ZIM2: variants seen among roughly 807,000 people sequenced by gnomAD.
ZIM2 encodes the protein zinc finger imprinted 2, also known as zinc finger protein 656.
Under a neutral mutation model 38.6 loss-of-function variants are expected in ZIM2, and 14 were observed. The observed-to-expected ratio is 0.36, with a 90% CI of 0.24 to 0.57. The LOEUF (loss-of-function observed/expected upper bound fraction) is 0.57, where lower values mean the gene tolerates loss of function less well. Among genes scored for constraint, ZIM2 ranks in the 20% least tolerant of loss-of-function variants. ZIM2 has a pLI of 0.81. For synonymous variants in ZIM2, 247 were observed against 245.8 expected, an observed-to-expected ratio of 1.00 and a Z score of -0.04; for missense variants, 680 against 695.1, an observed-to-expected ratio of 0.98 and a Z score of 0.24.
intron 9 of ZIM2, chr19:56,812,057 C>T (rs1350230521): frequency 1.0e-6 from 1 of 983,600 alleles, no homozygotes; most frequent in Non-Finnish European, 1.2e-6. Context: ...CACATTTCCC[C>T]CAGTGGGTAC....
At chr19:56,812,959 TC>T (rs1340050404) in intron 9 of ZIM2, 2 of 985,690 alleles carry the variant, frequency 2.0e-6, no homozygotes, top group African/African-American at 3.5e-5. Flanking sequence ...AGTATTAGGT[TC>T]CAAAGTGTTG....
chr19:56,796,672 G>C (rs2047246563), intron 9 of ZIM2, among the ~76,000 whole-genome samples: 1 of 152,180 alleles, frequency 6.6e-6, no homozygotes, highest in African/African-American at 2.4e-5. Context: ...CCAGGCAGTG[G>C]GGGGTGGGGA....
intron 1 of ZIM2, among the ~76,000 whole-genome samples, chr19:56,838,342 G>A (rs1053801884): frequency 6.6e-5 from 10 of 152,182 alleles, no homozygotes; most frequent in African/African-American, 1.9e-4. Context: ...TGGCGCCTGC[G>A]CAATCAACCT....
intron 9 of ZIM2, chr19:56,793,127 C>T (rs2047027054): frequency 6.5e-6 from 1 of 152,676 alleles, no homozygotes; most frequent in African/African-American, 2.4e-5. Flanking sequence ...TGTGTCAGCA[C>T]TAGTTGCTCT....
At chr19:56,785,382 CCCCCCA>C (rs2046543855) in intron 10 of ZIM2, among the ~76,000 whole-genome samples, 1 of 151,988 alleles carries the variant, frequency 6.6e-6, no homozygotes, top group Non-Finnish European at 1.5e-5. Flanking sequence ...TTACCTCGCT[CCCCCCA>C]CCCCAGTAAT....
intron 2 of ZIM2, among the ~76,000 whole-genome samples, chr19:56,829,579 G>A (rs1303860448): frequency 1.3e-5 from 2 of 152,182 alleles, no homozygotes; most frequent in Non-Finnish European, 2.9e-5. Context: ...AGAGCCAAAG[G>A]CAGGAAGAGG....
chr19:56,828,400 T>TC (rs1293590490), intron 2 of ZIM2, among the ~76,000 whole-genome samples: 1 of 152,200 alleles, frequency 6.6e-6, no homozygotes, highest in Non-Finnish European at 1.5e-5. Context: ...ATCTTGGCAA[T>TC]TCCACTTCTG....
chr19:56,835,189 C>T (rs1021638926), intron 2 of ZIM2, among the ~76,000 whole-genome samples: 19 of 152,306 alleles, frequency 1.2e-4, no homozygotes, highest in African/African-American at 4.6e-4. Flanking sequence ...TCCCCTTCTG[C>T]ACCCTGAAAC....
intron 9 of ZIM2, chr19:56,792,980 C>T (rs1029801921): frequency 6.6e-6 from 1 of 152,648 alleles, no homozygotes; most frequent in African/African-American, 2.4e-5. Flanking sequence ...CAGAAGCAGC[C>T]AGTTGCTTCC....
At chr19:56,812,988 G>A in intron 9 of ZIM2, 2 of 985,822 alleles carry the variant, frequency 2.0e-6, no homozygotes, top group South Asian at 4.7e-5. Flanking sequence ...TGAAATGGCT[G>A]CAGAAAGAAG....
At chr19:56,794,872 A>G (rs1182013358) in intron 9 of ZIM2, among the ~76,000 whole-genome samples, 2 of 152,232 alleles carry the variant, frequency 1.3e-5, no homozygotes, top group Non-Finnish European at 2.9e-5. Flanking sequence ...AATCAAGAGC[A>G]TTATCATCCC....
intron 2 of ZIM2, chr19:56,833,150 C>T (rs1281742442): frequency 3.9e-6 from 2 of 517,272 alleles, no homozygotes; most frequent in Non-Finnish European, 7.7e-6. Flanking sequence ...TCCTGTGACT[C>T]CGGTTTGGCC....
chr19:56,813,167 A>G, intron 9 of ZIM2: 20 of 982,366 alleles, frequency 2.0e-5, no homozygotes, highest in Non-Finnish European at 2.4e-5. Flanking sequence ...AGACACTTAA[A>G]AATATAATCA....
chr19:56,774,951 G>A lies in ZIM2; in HGVS notation c.1414C>T (p.Pro472Ser), dbSNP rs778088028. 6.2e-7 allele frequency: 1 copy of A among 1,614,206 alleles called. No homozygotes were observed. The highest frequency in any genetic ancestry group is 8.5e-7 in the Non-Finnish European group (1 of 1,180,034). Residue 472 changes from proline (P) to serine (S), a missense_variant, in exon 13 of 13, where the codon CCT becomes TCT. Transcript: ENST00000629319. Reference sequence around the variant, plus strand: ...GTCTTGCTGTGGGACAACCCAGGAGGAAGGACTCTTGCTGCCTCATGGGCT... The same window carrying A: ...GTCTTGCTGTGGGACAACCCAGGAGAAAGGACTCTTGCTGCCTCATGGGCT... ...LKAHEAARVL[P>S]PGLSHSKTYL... is the part of the protein sequence containing the mutation.
At chr19:56,789,996 A>G (rs778754823) in intron 9 of ZIM2, 45 bp from the exon 10 acceptor site, 1 of 1,451,322 alleles carries the variant, frequency 6.9e-7, no homozygotes, top group Non-Finnish European at 9.3e-7. Flanking sequence ...CCTGTCTGGT[A>G]GCACTGACAG....
intron 10 of ZIM2, among the ~76,000 whole-genome samples, chr19:56,783,603 T>A (rs1241484336): frequency 6.6e-6 from 1 of 152,178 alleles, no homozygotes; most frequent in Non-Finnish European, 1.5e-5. Flanking sequence ...TGTTCTCACT[T>A]ATTAGTGGGA....
Position 56,818,689 on chromosome 19 carries a change from T to C in ZIM2, c.308A>G (p.Tyr103Cys). 6.2e-7 allele frequency: 1 copy of C among 1,614,196 alleles called. No homozygotes were observed. The highest frequency in any genetic ancestry group is 1.1e-5 in the South Asian group (1 of 91,080). The change falls in exon 8 of 13, where the codon TAC (tyrosine) becomes TGC (cysteine). Residue 103 changes from tyrosine (Y) to cysteine (C), a missense_variant. By Grantham distance (194) the Tyr-to-Cys change is radical. Transcript: ENST00000629319. ...CTCAGCGAGGTCCACCACATTTTGG[T>C]ATGATTCAGCATCCTAAAACAGCAA... ...YESRSQDAES[Y>C]QNVVDLAEDR...
At chr19:56,809,330 T>C (rs1034279227) in intron 9 of ZIM2, among the ~76,000 whole-genome samples, 1 of 152,186 alleles carries the variant, frequency 6.6e-6, no homozygotes, top group Non-Finnish European at 1.5e-5. Flanking sequence ...TACACTTTTA[T>C]ATCTTAAGAA....
At chr19:56,824,619 T>TATA (rs768324846) in intron 3 of ZIM2, 192 bp from the exon 4 acceptor site, 1 of 1,607,248 alleles carries the variant, frequency 6.2e-7, no homozygotes, top group Non-Finnish European at 8.5e-7. Context: ...CAGGACTTCT[T>TATA]AGGTTTGGTG....
Sources: gnomAD v4.1 joint callset for allele counts (sites outside exome capture counted in the v4.1 genomes callset) on GRCh38, gnomAD v4.1.1 for gene constraint, MANE v1.5 for transcripts, NCBI Gene and HGNC (gene_info 2026-07-23, HGNC 2026-07-21) for gene names.